PARP8: variants seen among roughly 807,000 people sequenced by gnomAD.
The protein encoded by PARP8 is protein mono-ADP-ribosyltransferase PARP8.
PARP8 carries 51 observed loss-of-function variants against 124.1 expected under a neutral mutation model. That is an observed-to-expected ratio of 0.41 (90% CI 0.33 to 0.52). The LOEUF (loss-of-function observed/expected upper bound fraction) is 0.52. PARP8 is among the 20% of genes least tolerant of loss of function. The probability of loss-of-function intolerance (pLI) is 0.21; values close to 1 mark genes in which losing one functional copy is unlikely to be tolerated. For synonymous variants in PARP8, 391 were observed against 361.5 expected (o/e 1.08, Z -0.93); for missense variants, 860 against 1,018.9 (o/e 0.84, Z 2.12).
At chr5:50,708,880 C>T (rs1754433263) in intron 2 of PARP8, among the ~76,000 whole-genome samples, 1 of 151,972 alleles carries the variant, frequency 6.6e-6, no homozygotes, top group Non-Finnish European at 1.5e-5. Context: ...CTCCTGGGCT[C>T]AAGCAATTCT....
intron 7 of PARP8, among the ~76,000 whole-genome samples, chr5:50,773,403 T>C (rs1761823342): frequency 6.6e-6 from 1 of 152,218 alleles, no homozygotes; most frequent in African/African-American, 2.4e-5. Flanking sequence ...TGGACAGTTT[T>C]CCCAGCACCA....
chr5:50,678,329 T>G (rs1579920614), intron 2 of PARP8, among the ~76,000 whole-genome samples: 1 of 152,104 alleles, frequency 6.6e-6, no homozygotes, highest in East Asian at 1.9e-4. Context: ...TAAAACATGT[T>G]TGAAATGTGT....
At chr5:50,833,817 A>T (rs1281491270) in intron 23 of PARP8, among the ~76,000 whole-genome samples, 162 bp from the exon 24 acceptor site, 1 of 152,064 alleles carries the variant, frequency 6.6e-6, no homozygotes. Flanking sequence ...AATTAAAAAT[A>T]ACTTAATATT....
At chr5:50,749,026 C>T (rs903737663) in intron 2 of PARP8, among the ~76,000 whole-genome samples, 1 of 152,156 alleles carries the variant, frequency 6.6e-6, no homozygotes, top group African/African-American at 2.4e-5. Context: ...CTGTCTTCTT[C>T]AGATTGGTTT....
intron 2 of PARP8, chr5:50,739,097 A>G (rs1393909405): frequency 2.8e-6 from 2 of 702,298 alleles, no homozygotes; most frequent in African/African-American, 1.7e-5. Context: ...GTATTGAATC[A>G]AAGTCCCAAG....
intron 25 of PARP8, among the ~76,000 whole-genome samples, chr5:50,840,461 G>T (rs1436932010): frequency 1.3e-5 from 2 of 151,718 alleles, no homozygotes; most frequent in Non-Finnish European, 2.9e-5. Context: ...CTGGATGACG[G>T]TACATCAAAT....
chr5:50,775,009 G>A (rs1739808371), intron 7 of PARP8, among the ~76,000 whole-genome samples: 1 of 149,846 alleles, frequency 6.7e-6, no homozygotes, highest in African/African-American at 2.5e-5. Flanking sequence ...GGGCGGCCAG[G>A]CAGAGACGCT....
chr5:50,770,140 A>AT (rs1464057936), intron 7 of PARP8, among the ~76,000 whole-genome samples: 2 of 151,960 alleles, frequency 1.3e-5, no homozygotes, highest in Admixed American at 6.6e-5. Context: ...CTAATGGGTA[A>AT]TTTTTTCTCC....
At chr5:50,807,891 G>C (rs1346734546) in intron 14 of PARP8, among the ~76,000 whole-genome samples, 1 of 151,986 alleles carries the variant, frequency 6.6e-6, no homozygotes, top group African/African-American at 2.4e-5. Context: ...TGAGTGGTTT[G>C]ACAAGGCATG....
chr5:50,747,141 G>GT lies in PARP8; in HGVS notation c.147-3002dup, dbSNP rs201585071. On this transcript the variant is annotated intron_variant, in intron 2 of 25. Transcript: ENST00000281631. The stretch of plus-strand genomic sequence containing the variant: ...CTACTCATCTACTTATTCAGTTATG[G>GT]TTTTTTTTGTTTGTTTGTTTTGTTT... Among the ~76,000 whole-genome samples, 98 of 80,768 alleles carry GT rather than the reference G, an allele frequency of 1.2e-3. 4 individuals are homozygous for GT. The highest frequency in any genetic ancestry group is 7.3e-3 in the East Asian group (17 of 2,316). 53.0% of individuals were successfully genotyped at this position (80,768 alleles called of 152,430 possible). A position where few individuals can be genotyped will look rare whatever the true frequency, so the allele number is the denominator to read the frequency against.
chr5:50,831,801 T>A (rs1747016921), intron 22 of PARP8, among the ~76,000 whole-genome samples: 1 of 152,126 alleles, frequency 6.6e-6, no homozygotes, highest in Non-Finnish European at 1.5e-5. Flanking sequence ...TATATGTGCT[T>A]TTTTTCTGGA....
At chr5:50,666,252 TG>T (rs1749266767), upstream of PARP8, 1 of 152,318 alleles carries the variant, frequency 6.6e-6, no homozygotes, top group African/African-American at 2.4e-5. Flanking sequence ...AGGAAAGATT[TG>T]TTCGTTTTAT....
At chr5:50,830,520 T>C (rs1746832972) in intron 22 of PARP8, among the ~76,000 whole-genome samples, 1 of 152,200 alleles carries the variant, frequency 6.6e-6, no homozygotes, top group South Asian at 2.1e-4. Context: ...ATCACCAAAT[T>C]GTTAGCATTA....
intron 2 of PARP8, among the ~76,000 whole-genome samples, chr5:50,690,965 A>G (rs754857396): frequency 6.6e-6 from 1 of 152,154 alleles, no homozygotes; most frequent in Admixed American, 6.5e-5. Context: ...TGAAATTCAT[A>G]TAGAAGTCAG....
chr5:50,820,485 T>G (rs1193472809), intron 15 of PARP8, among the ~76,000 whole-genome samples: 1 of 152,194 alleles, frequency 6.6e-6, no homozygotes, highest in Non-Finnish European at 1.5e-5. Flanking sequence ...GTACTGCCTC[T>G]TAGTAGATTG....
At chr5:50,829,861 C>A in intron 21 of PARP8, 31 bp from the exon 22 acceptor site, 1 of 1,446,184 alleles carries the variant, frequency 6.9e-7, no homozygotes, top group Non-Finnish European at 9.4e-7. Context: ...ATGAACAGAC[C>A]TCTCTCTCTC....
chr5:50,689,719 C>T (rs1274592524), intron 2 of PARP8, among the ~76,000 whole-genome samples: 4 of 152,168 alleles, frequency 2.6e-5, no homozygotes, highest in South Asian at 2.1e-4. Flanking sequence ...CCGAACACTT[C>T]GTGAGGTTGA....
chr5:50,667,412 G>T (rs1201337840), intron 1 of PARP8: 1 of 703,012 alleles, frequency 1.4e-6, no homozygotes, highest in African/African-American at 1.7e-5. Flanking sequence ...AGCTTTGAGG[G>T]CAGAGCCCGC....
At chr5:50,671,553 A>C (rs1360738968) in intron 2 of PARP8, among the ~76,000 whole-genome samples, 1 of 152,138 alleles carries the variant, frequency 6.6e-6, no homozygotes, top group Non-Finnish European at 1.5e-5. Flanking sequence ...CGCCAAAAAG[A>C]AGAAAGTAAA....
Sources: allele counts gnomAD v4.1 joint callset (sites outside exome capture counted in the v4.1 genomes callset), GRCh38; gene constraint gnomAD v4.1.1; transcripts MANE v1.5; gene names NCBI Gene and HGNC (gene_info 2026-07-23, HGNC 2026-07-21).